ARSG: variants seen among roughly 807,000 people sequenced by gnomAD.
ARSG encodes the protein ASG.
A neutral mutation model predicts 50.5 loss-of-function variants in ARSG; 37 were observed. That is an observed-to-expected ratio of 0.73 (90% CI 0.56 to 0.96). The LOEUF is 0.96. Among genes scored for constraint, ARSG ranks in the 50% least tolerant of loss-of-function variants. ARSG has a pLI of 0.00. For missense variants in ARSG, 629 were observed against 675.3 expected (o/e 0.93, Z 0.76); for synonymous variants, 225 against 254.6 (o/e 0.88, Z 1.11).
At chr17:68,398,558 G>T (rs1411688056) in intron 10 of ARSG, among the ~76,000 whole-genome samples, 4 of 152,210 alleles carry the variant, frequency 2.6e-5, no homozygotes, top group Non-Finnish European at 5.9e-5. Flanking sequence ...ATATGAGTTG[G>T]TTTAGAAACA....
intron 8 of ARSG, chr17:68,379,950 G>A (rs1320133480): frequency 9.6e-6 from 8 of 831,648 alleles, no homozygotes; most frequent in Middle Eastern, 6.1e-4. Context: ...TGTGAGATAC[G>A]TACAACTGAC....
intron 11 of ARSG, 40 bp from the exon 12 acceptor site, chr17:68,420,149 G>A (rs1472917713): frequency 5.0e-6 from 8 of 1,606,384 alleles, no homozygotes; most frequent in Non-Finnish European, 6.8e-6. Context: ...CAGGGCAACT[G>A]TCAGGGTTAG....
chr17:68,390,056 C>T lies in ARSG; in HGVS notation c.1091+4884C>T, dbSNP rs959389386. Among the ~76,000 whole-genome samples the T allele has an allele frequency of 3.9e-4, 59 of 152,202 alleles. 1 individual carries two copies. The highest frequency in any genetic ancestry group is 1.3e-3 in the African/African-American group (56 of 41,522). ...AGGCTGGAGTGCAATGATGTGATCTCGGCTCACTGCAACCTCTGCTTCCCG... is the reference window on the plus strand; with the variant it reads ...AGGCTGGAGTGCAATGATGTGATCTTGGCTCACTGCAACCTCTGCTTCCCG... On this transcript the variant is annotated intron_variant, in intron 9 of 11. Transcript: ENST00000621439.
intron 2 of ARSG, among the ~76,000 whole-genome samples, chr17:68,318,904 C>T (rs188077430): frequency 6.6e-6 from 1 of 152,298 alleles, no homozygotes; most frequent in Non-Finnish European, 1.5e-5. Flanking sequence ...TTTAGTTGAA[C>T]ACTTGGCTTG....
intron 11 of ARSG, among the ~76,000 whole-genome samples, chr17:68,407,988 A>G (rs988148267): frequency 9.5e-5 from 14 of 147,980 alleles, no homozygotes; most frequent in African/African-American, 3.5e-4. Flanking sequence ...TTCCCCATTC[A>G]GTATTATGTT....
intron 1 of ARSG, among the ~76,000 whole-genome samples, chr17:68,279,750 CT>C (rs1488145282): frequency 6.6e-6 from 1 of 152,136 alleles, no homozygotes; most frequent in Non-Finnish European, 1.5e-5. Flanking sequence ...TGAATACTGT[CT>C]TTTTCAAAGC....
chr17:68,286,598 G>A (rs144967870), upstream of ARSG, among the ~76,000 whole-genome samples: 649 of 152,118 alleles, frequency 4.3e-3, 4 homozygotes, highest in African/African-American at 0.015. Context: ...TTAGCCTCCC[G>A]GGTTCAAGCG....
intron 3 of ARSG, chr17:68,346,723 G>C: frequency 8.0e-7 from 1 of 1,243,174 alleles, no homozygotes; most frequent in South Asian, 1.3e-5. Flanking sequence ...GCATTTCTGA[G>C]ACGATGTGGG....
intron 1 of ARSG, among the ~76,000 whole-genome samples, chr17:68,295,297 C>T (rs2076165460): frequency 1.3e-5 from 2 of 151,876 alleles, no homozygotes; most frequent in East Asian, 1.9e-4. Flanking sequence ...TGTGGGCGGC[C>T]GATGATTGAT....
At chr17:68,419,500 T>C (rs1369285479) in intron 11 of ARSG, among the ~76,000 whole-genome samples, 1 of 152,116 alleles carries the variant, frequency 6.6e-6, no homozygotes, top group Admixed American at 6.5e-5. Flanking sequence ...TGCTTGAACC[T>C]GGGAGGCAGA....
intron 2 of ARSG, among the ~76,000 whole-genome samples, chr17:68,338,011 C>T (rs923124144): frequency 2.4e-4 from 36 of 152,268 alleles, no homozygotes; most frequent in African/African-American, 7.9e-4. Context: ...CCGAGGAAAA[C>T]CCCCCAGGCA....
chr17:68,410,797 C>G (rs568685829), intron 11 of ARSG, among the ~76,000 whole-genome samples: 1 of 152,276 alleles, frequency 6.6e-6, no homozygotes, highest in East Asian at 1.9e-4. Flanking sequence ...GCCACAATTT[C>G]AGATCCTGTT....
chr17:68,291,885 C>T (rs1174097216), intron 1 of ARSG, among the ~76,000 whole-genome samples: 1 of 151,892 alleles, frequency 6.6e-6, no homozygotes, highest in Non-Finnish European at 1.5e-5. Flanking sequence ...GGAACACGCG[C>T]GCGCCGGGGC....
upstream of ARSG, among the ~76,000 whole-genome samples, chr17:68,287,412 G>A (rs562991828): frequency 5.3e-5 from 8 of 151,836 alleles, no homozygotes; most frequent in Middle Eastern, 3.4e-3. Context: ...CTCCCACCTC[G>A]GCCTCCCAAA....
intron 2 of ARSG, among the ~76,000 whole-genome samples, chr17:68,341,876 G>C (rs2078283394): frequency 6.6e-6 from 1 of 152,164 alleles, no homozygotes; most frequent in Admixed American, 6.5e-5. Flanking sequence ...CTGGAGTGCA[G>C]TGACGCGATC....
the ARSG span, among the ~76,000 whole-genome samples, chr17:68,433,028 G>C: frequency 1.2e-4 from 18 of 152,156 alleles, no homozygotes; most frequent in Non-Finnish European, 1.5e-5. Flanking sequence ...CTTCCCAAGC[G>C]CTCAGTGGTG....
intron 11 of ARSG, among the ~76,000 whole-genome samples, chr17:68,415,605 G>C (rs894245713): frequency 2.0e-5 from 3 of 152,164 alleles, no homozygotes; most frequent in African/African-American, 7.2e-5. Flanking sequence ...CCTGTCTAGT[G>C]CTGTCAGTGG....
At position 68,365,107 on chromosome 17, in the gene ARSG, C is replaced by T. The variant is rs571228634; in HGVS notation, c.705-3441C>T. Among the ~76,000 whole-genome samples the T allele has an allele frequency of 1.1e-4, 16 of 152,282 alleles. 1 individual carries two copies. In the South Asian group the frequency reaches 2.7e-3, roughly 26 times the overall value. ...GGCAGATCACTTGAAGTCAGGAGTT[C>T]GAGACCAGCCTGGCCAACATGGCAA... On this transcript the variant is annotated intron_variant, in intron 6 of 11. Transcript: ENST00000621439.
chr17:68,365,337 A>G (rs1465640041), intron 6 of ARSG, among the ~76,000 whole-genome samples: 1 of 152,168 alleles, frequency 6.6e-6, no homozygotes, highest in Non-Finnish European at 1.5e-5. Flanking sequence ...CAACAAAATA[A>G]GCTACCATTT....
Sources: gnomAD v4.1 joint callset for allele counts (sites outside exome capture counted in the v4.1 genomes callset) on GRCh38, gnomAD v4.1.1 for gene constraint, MANE v1.5 for transcripts, NCBI Gene and HGNC (gene_info 2026-07-23, HGNC 2026-07-21) for gene names.